The following HDAC9 variants were observed in gnomAD, a reference collection of about 807,000 sequenced individuals.
HDAC9 encodes histone deacetylase 9.
Under a neutral mutation model 139.4 loss-of-function variants are expected in HDAC9, and 41 were observed. That is an observed-to-expected ratio of 0.29 (90% CI 0.23 to 0.38). The LOEUF (loss-of-function observed/expected upper bound fraction) is 0.38, where lower values mean the gene tolerates loss of function less well. HDAC9 is among the 10% of genes least tolerant of loss of function. HDAC9 has a pLI of 1.00. For missense variants in HDAC9, 1,147 were observed against 1,297.0 expected, an observed-to-expected ratio of 0.88 and a Z score of 1.78; for synonymous variants, 517 against 476.2, an observed-to-expected ratio of 1.09 and a Z score of -1.12.
intron 2 of HDAC9, among the ~76,000 whole-genome samples, chr7:18,511,213 A>G (rs1801403472): frequency 6.6e-6 from 1 of 152,214 alleles, no homozygotes; most frequent in African/African-American, 2.4e-5. Context: ...TTATATTGTA[A>G]GAAGGAAAAC....
intron 22 of HDAC9, among the ~76,000 whole-genome samples, chr7:18,920,355 CTT>C (rs983795637): frequency 2.0e-4 from 31 of 152,092 alleles, no homozygotes; most frequent in Middle Eastern, 3.2e-3. Context: ...TATCCTGAGA[CTT>C]TGCTGAAGTT....
At chr7:18,913,233 C>G (rs1802892887) in intron 22 of HDAC9, among the ~76,000 whole-genome samples, 1 of 152,032 alleles carries the variant, frequency 6.6e-6, no homozygotes, top group South Asian at 2.1e-4. Flanking sequence ...ATAAAAATAT[C>G]TTAATTCGCC....
chr7:18,178,331 T>C (rs4457227), intron 2 of HDAC9, among the ~76,000 whole-genome samples: 13,307 of 152,296 alleles, frequency 0.087, 777 homozygotes, highest in African/African-American at 0.16. Flanking sequence ...GCAATCTGCA[T>C]GCCTTGGGCT....
chr7:18,732,724 CACACACGTGTATGTGTGCGTATGTGT>C (rs2129133901), intron 13 of HDAC9, among the ~76,000 whole-genome samples: 2 of 115,870 alleles, frequency 1.7e-5, no homozygotes, highest in South Asian at 5.2e-4. Flanking sequence ...TGTGTACACA[CACACACGTGTATGTGTGCGTATGTGT>C]ACACACACGT....
At chr7:18,316,945 T>A (rs1252638619) in intron 1 of HDAC9, among the ~76,000 whole-genome samples, 1 of 151,720 alleles carries the variant, frequency 6.6e-6, no homozygotes, top group Non-Finnish European at 1.5e-5. Context: ...TACAAAAAAA[T>A]TAGTTGGGAA....
chr7:18,831,371 A>C (rs56946519), intron 19 of HDAC9, among the ~76,000 whole-genome samples: 3,747 of 152,320 alleles, frequency 0.025, 171 homozygotes, highest in African/African-American at 0.084. Flanking sequence ...GTAATACAGT[A>C]TAGGAATAAA....
chr7:18,097,204 A>G, intron 1 of HDAC9, among the ~76,000 whole-genome samples: 1 of 152,296 alleles, frequency 6.6e-6, no homozygotes, highest in South Asian at 2.1e-4. Flanking sequence ...ATTTGCTCTC[A>G]TATCTAACAT....
chr7:18,288,488 T>G (rs1325588881), upstream of HDAC9, among the ~76,000 whole-genome samples: 1 of 152,206 alleles, frequency 6.6e-6, no homozygotes, highest in Non-Finnish European at 1.5e-5. Flanking sequence ...CTTGAAAAAG[T>G]ACTGGCTGCT....
chr7:18,866,904 G>T (rs1798544744), intron 21 of HDAC9, among the ~76,000 whole-genome samples: 1 of 152,186 alleles, frequency 6.6e-6, no homozygotes, highest in Admixed American at 6.5e-5. Context: ...GCAACCAATT[G>T]TTTGGCCATT....
At chr7:18,817,560 C>T (rs1794665644) in intron 17 of HDAC9, among the ~76,000 whole-genome samples, 1 of 152,054 alleles carries the variant, frequency 6.6e-6, no homozygotes, top group Non-Finnish European at 1.5e-5. Flanking sequence ...ATTTCTTGAC[C>T]TCTGTACAAC....
intron 2 of HDAC9, among the ~76,000 whole-genome samples, chr7:18,173,491 CATTATG>C (rs1788621148): frequency 6.6e-6 from 1 of 152,152 alleles, no homozygotes; most frequent in Non-Finnish European, 1.5e-5. Context: ...TTGATCCTGT[CATTATG>C]ATGTTAGCTG....
chr7:18,757,985 T>A (rs1435045048), intron 14 of HDAC9, among the ~76,000 whole-genome samples: 1 of 152,202 alleles, frequency 6.6e-6, no homozygotes, highest in African/African-American at 2.4e-5. Context: ...CATGATCATA[T>A]TCCTAACCAC....
intron 2 of HDAC9, among the ~76,000 whole-genome samples, chr7:18,562,814 A>G (rs559965966): frequency 1.3e-5 from 2 of 152,116 alleles, no homozygotes; most frequent in East Asian, 1.9e-4. Flanking sequence ...TAGGGATTTC[A>G]TGGAATTTGT....
At chr7:18,305,666 T>A (rs1452386044) in intron 1 of HDAC9, among the ~76,000 whole-genome samples, 1 of 138,170 alleles carries the variant, frequency 7.2e-6, no homozygotes, top group Admixed American at 6.9e-5. Context: ...AGTTCTGTTG[T>A]ACCCTTGTAG....
At chr7:18,832,988 G>A (rs1795971027) in intron 19 of HDAC9, among the ~76,000 whole-genome samples, 2 of 151,742 alleles carry the variant, frequency 1.3e-5, no homozygotes, top group East Asian at 1.9e-4. Flanking sequence ...TGCCCACCTC[G>A]GCCTCCCAAA....
At chr7:18,564,882 G>GA (rs879520343) in intron 2 of HDAC9, among the ~76,000 whole-genome samples, 3 of 151,684 alleles carry the variant, frequency 2.0e-5, no homozygotes, top group African/African-American at 7.3e-5. Flanking sequence ...TTTTAAACTG[G>GA]AAAATCCATG....
intron 1 of HDAC9, among the ~76,000 whole-genome samples, chr7:18,305,974 C>T (rs687455): frequency 0.098 from 14,897 of 151,918 alleles, 1,524 homozygotes; most frequent in African/African-American, 0.27. Context: ...AATTTATTCC[C>T]GCCCTCAGCA....
At chr7:18,639,438 C>T (rs1440368144) in intron 8 of HDAC9, among the ~76,000 whole-genome samples, 1 of 151,976 alleles carries the variant, frequency 6.6e-6, no homozygotes, top group Non-Finnish European at 1.5e-5. Flanking sequence ...TAAGGAAACT[C>T]TGTCAAATGA....
chr7:18,369,477 T>A (rs140165972), intron 1 of HDAC9, among the ~76,000 whole-genome samples: 1 of 152,184 alleles, frequency 6.6e-6, no homozygotes, highest in East Asian at 1.9e-4. Flanking sequence ...TTTTCCTTTT[T>A]TTCTTTCTCC....
Sources: gnomAD v4.1 joint callset for allele counts (sites outside exome capture counted in the v4.1 genomes callset) on GRCh38, gnomAD v4.1.1 for gene constraint, MANE v1.5 for transcripts, NCBI Gene and HGNC (gene_info 2026-07-23, HGNC 2026-07-21) for gene names.